The following VRK2 variants were observed in gnomAD, a reference collection of about 807,000 sequenced individuals.
VRK2 encodes the protein serine/threonine-protein kinase VRK2.
In VRK2, 60 loss-of-function variants were observed where a neutral mutation model predicts 57.6. The ratio of observed to expected loss-of-function variants is 1.04; its 90% CI spans 0.85 to 1.29. VRK2 has a LOEUF of 1.29. Ranked by LOEUF, VRK2 falls within the 50% of genes most tolerant of loss-of-function variation. The probability of loss-of-function intolerance (pLI) is 0.00; values close to 1 mark genes in which losing one functional copy is unlikely to be tolerated. For synonymous variants in VRK2, 231 were observed against 199.2 expected (o/e 1.16, Z -1.35); for missense variants, 705 against 588.1 (o/e 1.20, Z -2.06).
chr2:58,051,097 G>T (rs991728336), intron 2 of VRK2, among the ~76,000 whole-genome samples: 1 of 152,066 alleles, frequency 6.6e-6, no homozygotes, highest in East Asian at 1.9e-4. Flanking sequence ...TGCCCACCTC[G>T]GCCTCCCGAA....
intron 2 of VRK2, among the ~76,000 whole-genome samples, chr2:58,029,853 A>T (rs1674059505): frequency 6.6e-6 from 1 of 152,038 alleles, no homozygotes; most frequent in Non-Finnish European, 1.5e-5. Flanking sequence ...AGCACTTATC[A>T]TTGTCATTTG....
At chr2:57,982,286 G>A (rs1352881426) in intron 1 of VRK2, among the ~76,000 whole-genome samples, 1 of 152,164 alleles carries the variant, frequency 6.6e-6, no homozygotes, top group Admixed American at 6.5e-5. Context: ...CCAGTTTGCT[G>A]GCAACAACAC....
chr2:57,911,751 C>T (rs1047345867), intron 1 of VRK2, among the ~76,000 whole-genome samples: 4 of 152,170 alleles, frequency 2.6e-5, no homozygotes, highest in South Asian at 2.1e-4. Flanking sequence ...ATTTAATTAC[C>T]GACAAATGGA....
chr2:58,133,269 A>G lies in VRK2; in HGVS notation c.797+1341A>G, dbSNP rs550259841. Among the ~76,000 whole-genome samples the G allele has an allele frequency of 2.0e-5, 3 of 152,274 alleles. No homozygotes were observed. The South Asian group carries it at 6.2e-4, about 32-fold the overall frequency. ...CATATAAAATTATTATTTTACATGT[A>G]TAATGCTAATAAATCAAGCATAACT... On this transcript the variant is annotated intron_variant, in intron 9 of 12. Coordinates refer to ENST00000340157, the MANE Select transcript of VRK2 (RefSeq NM_006296.7).
At chr2:58,067,583 C>T (rs1247237013) in intron 2 of VRK2, among the ~76,000 whole-genome samples, 1 of 151,960 alleles carries the variant, frequency 6.6e-6, no homozygotes, top group African/African-American at 2.4e-5. Flanking sequence ...CTCTTGGTTT[C>T]ATTTACTCTA....
chr2:57,998,927 G>A (rs1020395369), intron 1 of VRK2, among the ~76,000 whole-genome samples: 5 of 152,146 alleles, frequency 3.3e-5, no homozygotes, highest in African/African-American at 1.2e-4. Context: ...ATAGTTATCT[G>A]TACTGTAAGA....
Position 57,965,716 on chromosome 2 carries a change from T to C in VRK2, c.-439+57877T>C, listed in dbSNP as rs184474267. Among the ~76,000 whole-genome samples the C allele has an allele frequency of 3.3e-5, 5 of 152,298 alleles. No individual in the cohort carries two copies. In the East Asian group the frequency reaches 9.7e-4, roughly 29 times the overall value. On this transcript the variant is annotated intron_variant, in intron 1 of 15. Coordinates refer to the VRK2 transcript ENST00000417641. The stretch of plus-strand genomic sequence containing the variant: ...TAGACTAACTTCATCCATGAGAGGC[T>C]ACCTCACGTTCAGCTTATGACAACA...
intron 1 of VRK2, among the ~76,000 whole-genome samples, chr2:57,939,658 G>A (rs1489026526): frequency 6.6e-6 from 1 of 152,086 alleles, no homozygotes; most frequent in Admixed American, 6.5e-5. Context: ...AGAAAGTATA[G>A]AATTATGTGA....
intron 8 of VRK2, among the ~76,000 whole-genome samples, chr2:58,124,940 G>T (rs1346236869): frequency 6.6e-6 from 1 of 151,958 alleles, no homozygotes; most frequent in African/African-American, 2.4e-5. Context: ...AAATTAGTGA[G>T]AATTTAAAGA....
rs572132910 is a variant in VRK2 at position 57,922,991 on chromosome 2, G to A, written c.-439+15152G>A. Among the ~76,000 whole-genome samples, 4 of 151,930 alleles carry A rather than the reference G, an allele frequency of 2.6e-5. No individual in the cohort carries two copies. The South Asian group carries it at 8.3e-4, about 32-fold the overall frequency. On this transcript the variant is annotated intron_variant, in intron 1 of 15. Coordinates refer to the VRK2 transcript ENST00000417641. ...TGAGAAGTTTGTCTTTCTGTGCCTGGCCTATTTCACTTAACTTAATGTCCT... is the reference window on the plus strand; with the variant it reads ...TGAGAAGTTTGTCTTTCTGTGCCTGACCTATTTCACTTAACTTAATGTCCT...
chr2:58,152,205 T>C (rs2104693556), intron 12 of VRK2, among the ~76,000 whole-genome samples: 1 of 152,004 alleles, frequency 6.6e-6, no homozygotes, highest in Middle Eastern at 3.4e-3. Context: ...GTCTTCAAAA[T>C]TTGGTGTCTA....
chr2:58,077,137 CTTTT>C (rs953446289), intron 2 of VRK2, among the ~76,000 whole-genome samples: 1 of 151,890 alleles, frequency 6.6e-6, no homozygotes, highest in African/African-American at 2.4e-5. Context: ...ATTCTTCAAT[CTTTT>C]TTTGTCTTTT....
At chr2:58,092,729 A>T (rs142663267) in intron 7 of VRK2, among the ~76,000 whole-genome samples, 1 of 152,046 alleles carries the variant, frequency 6.6e-6, no homozygotes, top group African/African-American at 2.4e-5. Context: ...TTTGTTATAT[A>T]TGTATACATG....
intron 1 of VRK2, among the ~76,000 whole-genome samples, chr2:57,921,471 A>G (rs897197575): frequency 4.6e-5 from 7 of 152,068 alleles, no homozygotes; most frequent in Admixed American, 4.6e-4. Flanking sequence ...GACAAGGTGA[A>G]TTATAGGGTA....
At chr2:58,047,002 C>T (rs1349008023) in intron 1 of VRK2, 134 bp downstream of exon 1, 5 of 982,930 alleles carry the variant, frequency 5.1e-6, no homozygotes, top group African/African-American at 3.5e-5. Context: ...AGCCCCCGGG[C>T]CTCAGCTCCG....
chr2:57,959,396 TTTTC>T (rs1671685889), intron 1 of VRK2, among the ~76,000 whole-genome samples: 1 of 152,322 alleles, frequency 6.6e-6, no homozygotes, highest in East Asian at 1.9e-4. Context: ...CTTTTTTTCC[TTTTC>T]TTTTTTAGGA....
At chr2:57,982,468 G>A (rs971894207) in intron 1 of VRK2, among the ~76,000 whole-genome samples, 1 of 152,192 alleles carries the variant, frequency 6.6e-6, no homozygotes, top group Non-Finnish European at 1.5e-5. Context: ...GCAGGGGAAG[G>A]CTGCAGGCAG....
At chr2:58,144,042 C>G (rs190548179) in intron 11 of VRK2, among the ~76,000 whole-genome samples, 2 of 151,440 alleles carry the variant, frequency 1.3e-5, no homozygotes, top group African/African-American at 4.9e-5. Context: ...TATACACACA[C>G]ACACACAATG....
In VRK2 at chr2:58,138,567, A is replaced by C. The variant is rs1680876403; in HGVS notation, c.857-1099A>C. On this transcript the variant is annotated intron_variant, in intron 10 of 12. Transcript: ENST00000340157. ...AAGCGATGATGACTATTCCTTTTGA[A>C]ATTTTTCTCTATAGGGAGTGAAACC... Among the ~76,000 whole-genome samples the C allele has an allele frequency of 1.3e-5, 2 of 152,098 alleles. 1 individual carries two copies. Among genetic ancestry groups the C allele is most frequent in the South Asian group, 4.1e-4 (2 of 4,824 alleles).
Sources: gnomAD v4.1 joint callset for allele counts (sites outside exome capture counted in the v4.1 genomes callset) on GRCh38, gnomAD v4.1.1 for gene constraint, MANE v1.5 for transcripts, NCBI Gene and HGNC (gene_info 2026-07-23, HGNC 2026-07-21) for gene names.